The following ADIPOR2 variants were observed in gnomAD, a reference collection of about 807,000 sequenced individuals.
ADIPOR2 encodes adiponectin receptor protein 2.
ADIPOR2 carries 18 observed loss-of-function variants against 40.9 expected under a neutral mutation model. That is an observed-to-expected ratio of 0.44 (90% CI 0.30 to 0.65). The LOEUF (loss-of-function observed/expected upper bound fraction) is 0.65. Among genes scored for constraint, ADIPOR2 ranks in the 30% least tolerant of loss-of-function variants. The probability of loss-of-function intolerance (pLI) is 0.09; values close to 1 mark genes in which losing one functional copy is unlikely to be tolerated. For missense variants in ADIPOR2, 283 were observed against 479.2 expected (o/e 0.59, Z 3.82); for synonymous variants, 165 against 166.4 (o/e 0.99, Z 0.06).
At chr12:1,782,703 T>C (rs1423215859) in intron 6 of ADIPOR2, among the ~76,000 whole-genome samples, 1 of 152,200 alleles carries the variant, frequency 6.6e-6, no homozygotes, top group Non-Finnish European at 1.5e-5. Flanking sequence ...TTAATTGATC[T>C]TAGAACTTAG....
At chr12:1,723,463 GAAA>G (rs58233234) in intron 1 of ADIPOR2, among the ~76,000 whole-genome samples, 44,302 of 105,996 alleles carry the variant, frequency 0.42, 9,302 homozygotes, top group Non-Finnish European at 0.49. Flanking sequence ...CGTCTCTACT[GAAA>G]AAAAAAAAAA....
intron 1 of ADIPOR2, among the ~76,000 whole-genome samples, chr12:1,723,083 CT>C (rs1288069496): frequency 1.3e-5 from 2 of 152,104 alleles, no homozygotes; most frequent in Admixed American, 1.3e-4. Flanking sequence ...TTGTGCATGA[CT>C]TTTTAGGATA....
chr12:1,696,247 G>T, intron 1 of ADIPOR2: 1 of 153,382 alleles, frequency 6.5e-6, no homozygotes, highest in East Asian at 1.9e-4. Flanking sequence ...ACTCCTCCAT[G>T]GGTGCTGTTC....
intron 1 of ADIPOR2, among the ~76,000 whole-genome samples, chr12:1,711,963 C>T (rs1216744792): frequency 6.6e-6 from 1 of 152,130 alleles, no homozygotes; most frequent in Non-Finnish European, 1.5e-5. Context: ...TATCTATACA[C>T]ATTTATTCTT....
chr12:1,763,125 C>T (rs544351930), intron 2 of ADIPOR2, among the ~76,000 whole-genome samples: 2 of 152,288 alleles, frequency 1.3e-5, no homozygotes, highest in South Asian at 4.1e-4. Context: ...AGAGGTTAGT[C>T]TCTTTGGTTC....
chr12:1,740,668 A>G (rs1351486715), intron 1 of ADIPOR2, among the ~76,000 whole-genome samples: 2 of 152,232 alleles, frequency 1.3e-5, no homozygotes, highest in African/African-American at 4.8e-5. Flanking sequence ...TTGTTTACAC[A>G]TTAAGCAGAT....
chr12:1,708,679 A>T (rs1308868229), intron 1 of ADIPOR2, among the ~76,000 whole-genome samples: 4 of 151,938 alleles, frequency 2.6e-5, no homozygotes, highest in Non-Finnish European at 5.9e-5. Flanking sequence ...GTTGTCCATA[A>T]ATGAGTGGGT....
intron 1 of ADIPOR2, among the ~76,000 whole-genome samples, chr12:1,748,281 C>T (rs1172255803): frequency 6.6e-6 from 1 of 152,086 alleles, no homozygotes; most frequent in Non-Finnish European, 1.5e-5. Context: ...CGGAGTCTCT[C>T]TCTGTCGCCC....
intron 1 of ADIPOR2, among the ~76,000 whole-genome samples, chr12:1,750,532 C>T (rs2094766939): frequency 2.6e-5 from 4 of 151,916 alleles, no homozygotes; most frequent in Non-Finnish European, 4.4e-5. Flanking sequence ...TGCACCATTG[C>T]ACTCCAGCCT....
At chr12:1,775,666 T>TA (rs1862576130) in intron 3 of ADIPOR2, among the ~76,000 whole-genome samples, 1 of 152,170 alleles carries the variant, frequency 6.6e-6, no homozygotes, top group South Asian at 2.1e-4. Flanking sequence ...TCTCAGAAAA[T>TA]AAAATTCCCC....
At chr12:1,730,241 CA>C (rs1271853857) in intron 1 of ADIPOR2, among the ~76,000 whole-genome samples, 5 of 145,246 alleles carry the variant, frequency 3.4e-5, no homozygotes, top group African/African-American at 1.0e-4. Context: ...TTTTTTTAAA[CA>C]AAAACTTAGG....
intron 2 of ADIPOR2, among the ~76,000 whole-genome samples, chr12:1,770,009 C>G (rs1862463718): frequency 6.6e-6 from 1 of 152,068 alleles, no homozygotes; most frequent in Non-Finnish European, 1.5e-5. Context: ...CCTCGACCTC[C>G]TGGGGCTCAA....
chr12:1,773,064 G>A (rs1862519917), intron 3 of ADIPOR2, 103 bp downstream of exon 3: 1 of 1,378,738 alleles, frequency 7.3e-7, no homozygotes, highest in Admixed American at 2.6e-5. Flanking sequence ...GTTTGCTTTG[G>A]GGAAGATCTG....
At chr12:1,717,958 CTG>C (rs1369083398) in intron 1 of ADIPOR2, among the ~76,000 whole-genome samples, 3 of 152,004 alleles carry the variant, frequency 2.0e-5, no homozygotes, top group Non-Finnish European at 2.9e-5. Context: ...ATGCTTGAAA[CTG>C]TGACTTTATA....
At chr12:1,701,838 G>T (rs952267843) in intron 1 of ADIPOR2, among the ~76,000 whole-genome samples, 1 of 152,130 alleles carries the variant, frequency 6.6e-6, no homozygotes. Context: ...ACTGCATGTT[G>T]TGGCTGGGCA....
chr12:1,752,251 T>TTTTTTA (rs1251839721), intron 1 of ADIPOR2, among the ~76,000 whole-genome samples: 2 of 132,628 alleles, frequency 1.5e-5, no homozygotes, highest in Admixed American at 8.1e-5. Context: ...TTTTTTTTTT[T>TTTTTTA]AAGATAATGT....
intron 1 of ADIPOR2, among the ~76,000 whole-genome samples, chr12:1,737,433 A>G (rs1209455252): frequency 6.6e-6 from 1 of 151,998 alleles, no homozygotes; most frequent in Non-Finnish European, 1.5e-5. Context: ...AAATTAAGTC[A>G]TTTCCCTCTA....
intron 4 of ADIPOR2, chr12:1,778,262 A>G: frequency 5.1e-6 from 2 of 389,670 alleles, no homozygotes; most frequent in Non-Finnish European, 9.0e-6. Flanking sequence ...CTTGTCCTCA[A>G]ACCAGGCCAA....
chr12:1,744,527 G>A (rs2094750792), intron 1 of ADIPOR2, among the ~76,000 whole-genome samples: 1 of 151,682 alleles, frequency 6.6e-6, no homozygotes, highest in African/African-American at 2.4e-5. Flanking sequence ...TGTAGAGATG[G>A]GGTTTCACCA....
Sources: allele counts gnomAD v4.1 joint callset (sites outside exome capture counted in the v4.1 genomes callset), GRCh38; gene constraint gnomAD v4.1.1; transcripts MANE v1.5; gene names NCBI Gene and HGNC (gene_info 2026-07-23, HGNC 2026-07-21).